LRRTM3: variants seen among roughly 807,000 people sequenced by gnomAD.
LRRTM3 encodes leucine rich repeat transmembrane neuronal 3.
LRRTM3 carries 24 observed loss-of-function variants against 44.7 expected under a neutral mutation model. The observed-to-expected ratio is 0.54, with a 90% confidence interval of 0.39 to 0.76. The LOEUF (loss-of-function observed/expected upper bound fraction) is 0.76. Ranked by LOEUF, LRRTM3 falls within the 30% of genes least tolerant of loss-of-function variation. LRRTM3 has a pLI of 0.00. For synonymous variants in LRRTM3, 277 were observed against 278.7 expected, an observed-to-expected ratio of 0.99 and a Z score of 0.06; for missense variants, 587 against 702.2, an observed-to-expected ratio of 0.84 and a Z score of 1.85.
chr10:66,939,141 C>T lies in LRRTM3; in HGVS notation c.1536+10689C>T, dbSNP rs1847871430. On this transcript the variant is annotated intron_variant, in intron 2 of 2. Transcript: ENST00000361320. ...TAACTACTCTACTGGAGGCCTCCAACACTCAGAAGCTGACAAGTAGTAATG... is the reference window on the plus strand; with the variant it reads ...TAACTACTCTACTGGAGGCCTCCAATACTCAGAAGCTGACAAGTAGTAATG... Among the ~76,000 whole-genome samples, 5 of 152,284 alleles carry T rather than the reference C, an allele frequency of 3.3e-5. No individual in the cohort carries two copies. The South Asian group carries it at 1.0e-3, about 32-fold the overall frequency.
At chr10:67,072,433 T>C (rs145431284) in intron 2 of LRRTM3, among the ~76,000 whole-genome samples, 3 of 152,248 alleles carry the variant, frequency 2.0e-5, no homozygotes, top group Non-Finnish European at 4.4e-5. Flanking sequence ...TATTTGTATG[T>C]CTACGTACTC....
At chr10:67,030,951 C>A (rs1482184045) in intron 2 of LRRTM3, among the ~76,000 whole-genome samples, 3 of 152,082 alleles carry the variant, frequency 2.0e-5, no homozygotes, top group Admixed American at 2.0e-4. Flanking sequence ...TTGCAGTGAG[C>A]CGAGATTGCA....
chr10:67,042,627 G>T (rs1178354120), intron 2 of LRRTM3, among the ~76,000 whole-genome samples: 2 of 151,982 alleles, frequency 1.3e-5, no homozygotes, highest in Non-Finnish European at 2.9e-5. Flanking sequence ...GGAAGTCATG[G>T]AAGAGAAGGA....
At chr10:67,053,253 G>C (rs1173978087) in intron 2 of LRRTM3, among the ~76,000 whole-genome samples, 1 of 152,162 alleles carries the variant, frequency 6.6e-6, no homozygotes, top group Admixed American at 6.5e-5. Context: ...CTAGGATGCA[G>C]TGTTTTCCAA....
chr10:66,935,317 A>AAAT (rs1481239859), intron 2 of LRRTM3, among the ~76,000 whole-genome samples: 1 of 152,118 alleles, frequency 6.6e-6, no homozygotes, highest in Non-Finnish European at 1.5e-5. Context: ...ACAACAGTGA[A>AAAT]AATAGTTATA....
At chr10:66,980,257 GT>G (rs1850336572) in intron 2 of LRRTM3, among the ~76,000 whole-genome samples, 1 of 152,134 alleles carries the variant, frequency 6.6e-6, no homozygotes, top group South Asian at 2.1e-4. Context: ...AGACCACTGT[GT>G]TCCTTGTCTC....
At chr10:67,073,386 A>T (rs1360745211) in intron 2 of LRRTM3, among the ~76,000 whole-genome samples, 3 of 152,188 alleles carry the variant, frequency 2.0e-5, no homozygotes, top group African/African-American at 7.2e-5. Flanking sequence ...CATCTATTTA[A>T]GATTATCTCC....
At chr10:67,007,807 T>C (rs1048857365) in intron 2 of LRRTM3, among the ~76,000 whole-genome samples, 3 of 151,946 alleles carry the variant, frequency 2.0e-5, no homozygotes. Context: ...AACTCAAAAG[T>C]TACACATAAC....
At chr10:67,019,371 A>G (rs1852851601) in intron 2 of LRRTM3, among the ~76,000 whole-genome samples, 2 of 152,114 alleles carry the variant, frequency 1.3e-5, no homozygotes, top group African/African-American at 4.8e-5. Context: ...GGCATGTGCC[A>G]CCACGCCAGG....
At chr10:67,072,711 A>T (rs1195668609) in intron 2 of LRRTM3, among the ~76,000 whole-genome samples, 1 of 152,176 alleles carries the variant, frequency 6.6e-6, no homozygotes, top group Non-Finnish European at 1.5e-5. Context: ...GCCCTGAAAA[A>T]GTTCTCTTTC....
At chr10:66,932,736 T>C (rs952494568) in intron 2 of LRRTM3, among the ~76,000 whole-genome samples, 4 of 152,328 alleles carry the variant, frequency 2.6e-5, no homozygotes, top group East Asian at 1.9e-4. Flanking sequence ...AAGTCACTGC[T>C]TTCCTAATCA....
At chr10:67,045,417 T>G (rs1025486417) in intron 2 of LRRTM3, among the ~76,000 whole-genome samples, 3 of 152,140 alleles carry the variant, frequency 2.0e-5, no homozygotes, top group East Asian at 3.9e-4. Flanking sequence ...TGTTGGTTTT[T>G]TTGTTGTTGT....
At chr10:67,004,132 T>C (rs72804676) in intron 2 of LRRTM3, among the ~76,000 whole-genome samples, 7,470 of 151,820 alleles carry the variant, frequency 0.049, 270 homozygotes, top group Middle Eastern at 0.082. Context: ...TGTGGAGCCA[T>C]GGCTGTGTAT....
intron 2 of LRRTM3, among the ~76,000 whole-genome samples, chr10:67,084,883 A>G (rs1857218308): frequency 6.6e-6 from 1 of 151,956 alleles, no homozygotes; most frequent in African/African-American, 2.4e-5. Flanking sequence ...ATAGGATCTA[A>G]TAATAAGAAA....
chr10:67,030,402 C>T (rs539545935), intron 2 of LRRTM3, among the ~76,000 whole-genome samples: 3 of 152,092 alleles, frequency 2.0e-5, no homozygotes, highest in African/African-American at 7.2e-5. Context: ...AATAGCTCAC[C>T]AGTTAAAAAT....
intron 2 of LRRTM3, among the ~76,000 whole-genome samples, chr10:66,961,755 C>T (rs1467369643): frequency 6.6e-6 from 1 of 152,080 alleles, no homozygotes; most frequent in African/African-American, 2.4e-5. Context: ...TCCTTGAGGA[C>T]ATTTCAAAGG....
intron 2 of LRRTM3, among the ~76,000 whole-genome samples, chr10:66,956,011 T>C (rs1848772916): frequency 6.6e-6 from 1 of 152,084 alleles, no homozygotes; most frequent in Non-Finnish European, 1.5e-5. Flanking sequence ...GCAGAGCCTT[T>C]AAGGGAATTC....
intron 2 of LRRTM3, among the ~76,000 whole-genome samples, chr10:67,021,117 A>G (rs550967546): frequency 6.8e-4 from 104 of 152,316 alleles, no homozygotes; most frequent in African/African-American, 2.5e-3. Context: ...AGGAGGAGAT[A>G]AAATGTGACG....
At chr10:66,990,880 T>C (rs1039059975) in intron 2 of LRRTM3, among the ~76,000 whole-genome samples, 2 of 152,162 alleles carry the variant, frequency 1.3e-5, no homozygotes, top group African/African-American at 4.8e-5. Context: ...TCAATTTCAG[T>C]AGACCAAGTA....
Sources: gnomAD v4.1 joint callset for allele counts (sites outside exome capture counted in the v4.1 genomes callset) on GRCh38, gnomAD v4.1.1 for gene constraint, MANE v1.5 for transcripts, NCBI Gene and HGNC (gene_info 2026-07-23, HGNC 2026-07-21) for gene names.